Variants in EPHA5 observed in about 807,000 individuals in gnomAD.
EPHA5 encodes ephrin type-A receptor 5.
A neutral mutation model predicts 105.0 loss-of-function variants in EPHA5; 60 were observed. That is an observed-to-expected ratio of 0.57 (90% CI 0.46 to 0.71). The LOEUF (loss-of-function observed/expected upper bound fraction) is 0.71, where lower values mean the gene tolerates loss of function less well. EPHA5 is among the 30% of genes least tolerant of loss of function. EPHA5 has a pLI of 0.00. For synonymous variants in EPHA5, 513 were observed against 449.1 expected (o/e 1.14, Z -1.80); for missense variants, 1,218 against 1,274.7 (o/e 0.96, Z 0.68).
chr4:65,392,354 T>A (rs1255092762), intron 8 of EPHA5, among the ~76,000 whole-genome samples: 1 of 152,154 alleles, frequency 6.6e-6, no homozygotes, highest in Non-Finnish European at 1.5e-5. Context: ...TTGAGCTTTT[T>A]TCTAAAATCA....
rs1281843317 is a variant in EPHA5 at position 65,574,699 on chromosome 4, CAT to C, written c.910+26940_910+26941del. On this transcript the variant is annotated intron_variant, in intron 3 of 16. Coordinates refer to ENST00000613740, the MANE Select transcript of EPHA5 (RefSeq NM_001281766.3). The stretch of plus-strand genomic sequence containing the variant: ...ATATACATATATATACATATATATA[CAT>C]ATATATACATATATATATACATATA... Among the ~76,000 whole-genome samples the C allele has an allele frequency of 1.4e-4, 11 of 77,904 alleles. No individual in the cohort carries two copies. In the East Asian group the frequency reaches 3.1e-3, roughly 22 times the overall value. 51.1% of individuals were successfully genotyped at this position (77,904 alleles called of 152,430 possible).
At chr4:65,514,224 A>G (rs1331751768) in intron 3 of EPHA5, among the ~76,000 whole-genome samples, 1 of 152,102 alleles carries the variant, frequency 6.6e-6, no homozygotes, top group African/African-American at 2.4e-5. Context: ...GCTGCCACAG[A>G]TATTCCATTC....
intron 11 of EPHA5, among the ~76,000 whole-genome samples, chr4:65,360,663 C>T (rs1717207520): frequency 6.6e-6 from 1 of 151,400 alleles, no homozygotes; most frequent in Non-Finnish European, 1.5e-5. Flanking sequence ...GTGGTGTATG[C>T]AAGATCTGAT....
chr4:65,474,916 T>A (rs569561161), intron 5 of EPHA5, among the ~76,000 whole-genome samples: 1 of 152,316 alleles, frequency 6.6e-6, no homozygotes, highest in South Asian at 2.1e-4. Flanking sequence ...CACGACCTTT[T>A]AAATAGACAT....
In EPHA5 at chr4:65,669,548, C is replaced by T. The variant is rs748410475; in HGVS notation, c.181+14G>A. 2.2e-6 allele frequency: 3 copies of T among 1,378,256 alleles called. No homozygotes were observed. Among genetic ancestry groups the T allele is most frequent in the Non-Finnish European group, 2.8e-6 (3 of 1,059,992 alleles). 85.4% of individuals were successfully genotyped at this position (1,378,256 alleles called of 1,614,324 possible). A position where few individuals can be genotyped will look rare whatever the true frequency, so the allele number is the denominator to read the frequency against. On this transcript the variant is annotated intron_variant, in intron 1 of 16. Coordinates refer to ENST00000613740, the MANE Select transcript of EPHA5 (RefSeq NM_001281766.3). Reference sequence around the variant, plus strand: ...CGCCCCAGGTCGCCACGGTCCCCACCCCCATCTCCCTACCTTCGTTGCTGG... The same window carrying T: ...CGCCCCAGGTCGCCACGGTCCCCACTCCCATCTCCCTACCTTCGTTGCTGG...
chr4:65,448,903 C>A (rs1039191260), intron 5 of EPHA5, among the ~76,000 whole-genome samples: 1 of 152,010 alleles, frequency 6.6e-6, no homozygotes, highest in African/African-American at 2.4e-5. Flanking sequence ...AATTAGAGAT[C>A]TCTATGTGAA....
intron 3 of EPHA5, among the ~76,000 whole-genome samples, chr4:65,577,494 T>A (rs1020346343): frequency 6.6e-6 from 1 of 152,134 alleles, no homozygotes; most frequent in Non-Finnish European, 1.5e-5. Flanking sequence ...TTGTTGAGGC[T>A]TATAAGTGAC....
intron 5 of EPHA5, among the ~76,000 whole-genome samples, chr4:65,431,265 C>T (rs553681537): frequency 3.3e-5 from 5 of 152,212 alleles, no homozygotes; most frequent in Admixed American, 1.3e-4. Flanking sequence ...CTCAGGAATA[C>T]ACATGTAAAC....
At chr4:65,462,660 A>C (rs1728239232) in intron 5 of EPHA5, among the ~76,000 whole-genome samples, 1 of 152,200 alleles carries the variant, frequency 6.6e-6, no homozygotes, top group South Asian at 2.1e-4. Context: ...AAACTTTTTC[A>C]GATAGTGGTG....
intron 8 of EPHA5, among the ~76,000 whole-genome samples, chr4:65,379,857 A>G (rs1385095229): frequency 6.6e-6 from 1 of 151,786 alleles, no homozygotes; most frequent in Non-Finnish European, 1.5e-5. Context: ...TGGTGATTAG[A>G]TAATACTGTG....
chr4:65,654,956 A>G (rs1332874379), intron 1 of EPHA5, among the ~76,000 whole-genome samples: 1 of 149,344 alleles, frequency 6.7e-6, no homozygotes, highest in African/African-American at 2.4e-5. Context: ...TATATATCAA[A>G]GCATATACCT....
chr4:65,518,409 A>G (rs769007573), intron 3 of EPHA5, among the ~76,000 whole-genome samples: 28 of 151,630 alleles, frequency 1.8e-4, no homozygotes, highest in Non-Finnish European at 2.4e-4. Context: ...AAATACATGT[A>G]CTTATATTCA....
intron 7 of EPHA5, among the ~76,000 whole-genome samples, chr4:65,408,989 C>A (rs1214629273): frequency 3.8e-5 from 5 of 130,788 alleles, no homozygotes; most frequent in Non-Finnish European, 8.2e-5. Context: ...CACATATACA[C>A]CATGGAATAC....
chr4:65,488,885 A>ATTTTT (rs5858962), intron 5 of EPHA5, among the ~76,000 whole-genome samples: 6,019 of 117,694 alleles, frequency 0.051, 570 homozygotes, highest in Non-Finnish European at 0.068. Context: ...AGCTGCATGC[A>ATTTTT]TTTTTTTTTT....
intron 14 of EPHA5, among the ~76,000 whole-genome samples, chr4:65,336,481 T>G (rs1721198531): frequency 6.6e-6 from 1 of 152,044 alleles, no homozygotes; most frequent in African/African-American, 2.4e-5. Flanking sequence ...GAGATTAAAT[T>G]TTCTAGTGAT....
chr4:65,626,454 A>T (rs2149484449), intron 2 of EPHA5, among the ~76,000 whole-genome samples: 1 of 152,288 alleles, frequency 6.6e-6, no homozygotes, highest in African/African-American at 2.4e-5. Context: ...TTCAGAGTTC[A>T]AATTTCATTT....
At chr4:65,545,194 T>C (rs947587055) in intron 3 of EPHA5, among the ~76,000 whole-genome samples, 2 of 151,918 alleles carry the variant, frequency 1.3e-5, no homozygotes, top group Non-Finnish European at 2.9e-5. Context: ...CATCGGAGAA[T>C]CAGCATCTAT....
At position 65,351,468 on chromosome 4, in the gene EPHA5, C is replaced by T. The variant is rs1170321468; in HGVS notation, c.2366G>A (p.Ser789Asn). ...GTCAGACACTTTGCACACAAGGTTA[C>T]TGTTGATTAAGATGTTTCTGGCAGC... Reference protein sequence around the residue: ...DLAARNILINSNLVCKVSDFG... With the variant: ...DLAARNILINNNLVCKVSDFG... The change falls in exon 13 of 17, where the codon AGT becomes AAT. Residue 789 changes from serine to asparagine, a missense_variant. Around this residue, in one of 3 missense-constraint regions of EPHA5, gnomAD observed 971 missense variants for 1,013.5 expected, o/e 0.96. Transcript: ENST00000613740. The T allele has an allele frequency of 6.2e-7, 1 of 1,613,778 alleles. No homozygotes were observed. The highest frequency in any genetic ancestry group is 1.7e-5 in the Admixed American group (1 of 59,932).
chr4:65,576,113 G>GAAAAGAAGAAAAGAAAAGAAAAGAAAAGA (rs368323108), intron 3 of EPHA5, among the ~76,000 whole-genome samples: 1 of 36,670 alleles, frequency 2.7e-5, no homozygotes, highest in Non-Finnish European at 6.0e-5. Flanking sequence ...GAAAAGAAAA[G>GAAAAGAAGAAAAGAAAAGAAAAGAAAAGA]AAAAAAGAAA....
Sources: gnomAD v4.1 joint callset for allele counts (sites outside exome capture counted in the v4.1 genomes callset) on GRCh38, gnomAD v4.1.1 for gene constraint, gnomAD v4.1.1 regional missense constraint, MANE v1.5 for transcripts, NCBI Gene and HGNC (gene_info 2026-07-23, HGNC 2026-07-21) for gene names.